Variants in TESC observed in about 807,000 individuals in gnomAD.
The protein encoded by TESC is calcineurin B homologous protein 3.
TESC carries 19 observed loss-of-function variants against 31.0 expected under a neutral mutation model. The ratio of observed to expected loss-of-function variants is 0.61; its 90% CI spans 0.43 to 0.90. The LOEUF (loss-of-function observed/expected upper bound fraction) is 0.90. Among genes scored for constraint, TESC ranks in the 40% least tolerant of loss-of-function variants. The probability of loss-of-function intolerance (pLI) is 0.00; values close to 1 mark genes in which losing one functional copy is unlikely to be tolerated. For synonymous variants in TESC, 109 were observed against 114.8 expected (o/e 0.95, Z 0.32); for missense variants, 248 against 303.8 (o/e 0.82, Z 1.36).
intron 3 of TESC, among the ~76,000 whole-genome samples, chr12:117,052,227 A>G (rs985705438): frequency 6.6e-6 from 1 of 152,148 alleles, no homozygotes; most frequent in African/African-American, 2.4e-5. Context: ...TCTGTAAGGA[A>G]TGGGGCGCCC....
At position 117,099,338 on chromosome 12, in the gene TESC, T is replaced by G; in HGVS notation, c.-56A>C. On this transcript the variant is annotated 5_prime_UTR_variant, in exon 1 of 8. Coordinates refer to ENST00000335209, the MANE Select transcript of TESC (RefSeq NM_017899.4). ...GTCCCTCTCAGGCCCCGCACTGGCT[T>G]CGGCTGCGCAGCGGCGGGACTGGCC... The G allele has an allele frequency of 7.3e-7, 1 of 1,360,560 alleles. No homozygotes were observed. 84.3% of individuals were successfully genotyped at this position (1,360,560 alleles called of 1,614,324 possible). A position where few individuals can be genotyped will look rare whatever the true frequency, so the allele number is the denominator to read the frequency against.
At chr12:117,077,734 G>A (rs1057023886) in intron 1 of TESC, among the ~76,000 whole-genome samples, 1 of 152,180 alleles carries the variant, frequency 6.6e-6, no homozygotes, top group Non-Finnish European at 1.5e-5. Context: ...GCTCTTAAGG[G>A]AGGCATCATA....
intron 1 of TESC, among the ~76,000 whole-genome samples, chr12:117,086,508 A>G (rs1434580303): frequency 6.6e-6 from 1 of 152,166 alleles, no homozygotes; most frequent in Non-Finnish European, 1.5e-5. Flanking sequence ...CACAGCTCAC[A>G]GCAGCCTCAA....
chr12:117,046,473 G>T, intron 6 of TESC, 86 bp downstream of exon 6: 2 of 1,309,150 alleles, frequency 1.5e-6, no homozygotes, highest in East Asian at 2.5e-5. Context: ...AATACACCTG[G>T]CCCCTGCCCC....
At chr12:117,069,098 C>T (rs1275572925) in intron 2 of TESC, among the ~76,000 whole-genome samples, 1 of 147,722 alleles carries the variant, frequency 6.8e-6, no homozygotes, top group Admixed American at 6.8e-5. Flanking sequence ...ATAGAAATTC[C>T]TTTTTTTTTT....
At chr12:117,075,985 A>AT (rs201923877) in intron 1 of TESC, among the ~76,000 whole-genome samples, 15,962 of 100,474 alleles carry the variant, frequency 0.16, 1,975 homozygotes, top group Middle Eastern at 0.19. Context: ...ATATATATAT[A>AT]TTTTTTTTTT....
Position 117,046,675 on chromosome 12 carries a change from T to C in TESC, c.412-9A>G. 6.4e-7 allele frequency: 1 copy of C among 1,552,022 alleles called. No homozygotes were observed. Among genetic ancestry groups the C allele is most frequent in the Admixed American group, 2.0e-5 (1 of 51,052 alleles). On this transcript the variant is annotated splice_polypyrimidine_tract_variant and intron_variant, in intron 5 of 7. Coordinates refer to ENST00000335209, the MANE Select transcript of TESC (RefSeq NM_017899.4). ...AGCAGCTCCTCGACCACCTGCCAGG[T>C]GGGGCGGAAACAAACGGTGACCTTG... is the stretch of plus-strand genomic sequence containing the variant.
intron 2 of TESC, 54 bp from the exon 3 acceptor site, chr12:117,056,940 G>T: frequency 6.4e-7 from 1 of 1,574,498 alleles, no homozygotes. Flanking sequence ...GATAGCAGAC[G>T]TCAGCTGGCA....
chr12:117,042,069 G>A, intron 6 of TESC, 75 bp from the exon 7 acceptor site: 4 of 1,453,944 alleles, frequency 2.8e-6, no homozygotes, highest in Non-Finnish European at 3.8e-6. Flanking sequence ...ACGGTCCACT[G>A]GCCTCCCCTC....
chr12:117,099,189 G>A (rs1295641351), intron 1 of TESC, 36 bp downstream of exon 1: 5 of 1,474,030 alleles, frequency 3.4e-6, no homozygotes, highest in Non-Finnish European at 4.5e-6. Context: ...CGGAGGTCCC[G>A]CCCCGGTCCC....
intron 6 of TESC, among the ~76,000 whole-genome samples, chr12:117,042,719 C>T (rs1387933579): frequency 6.6e-6 from 1 of 152,190 alleles, no homozygotes; most frequent in Non-Finnish European, 1.5e-5. Flanking sequence ...AGGATCCCAC[C>T]GACAAGCCTC....
At position 117,046,782 on chromosome 12, in the gene TESC, G is replaced by C. The variant is rs867356353; in HGVS notation, c.406C>G (p.Arg136Gly). Reference protein sequence around the residue: ...SDGRITLEEYRNVVEELLSGN... With the variant: ...SDGRITLEEYGNVVEELLSGN... The stretch of plus-strand genomic sequence containing the variant: ...GCCAGAGGAGCATACTTTACATTTC[G>C]ATATTCTTCCAGAGTGATGCGGCCG... Residue 136 changes from arginine (R) to glycine (G), a missense_variant, in exon 5 of 8, where the codon CGA becomes GGA. By Grantham distance (125) the Arg-to-Gly change is moderately radical (BLOSUM62 -2). Coordinates refer to ENST00000335209, the MANE Select transcript of TESC (RefSeq NM_017899.4). 1.9e-6 allele frequency: 3 copies of C among 1,564,430 alleles called. No individual in the cohort carries two copies. In the South Asian group the frequency reaches 3.5e-5, roughly 18 times the overall value.
intron 7 of TESC, among the ~76,000 whole-genome samples, 170 bp from the exon 8 acceptor site, chr12:117,039,380 C>T (rs200101248): frequency 1.3e-5 from 2 of 152,184 alleles, no homozygotes; most frequent in South Asian, 2.1e-4. Flanking sequence ...TAAGCGAGGA[C>T]GAAAAACTTC....
intron 1 of TESC, among the ~76,000 whole-genome samples, chr12:117,089,074 A>T (rs1382816157): frequency 6.6e-6 from 1 of 152,112 alleles, no homozygotes; most frequent in Non-Finnish European, 1.5e-5. Flanking sequence ...GTCAGAAAAA[A>T]CGTTCCCCAC....
At chr12:117,063,211 C>A (rs1006256123) in intron 2 of TESC, among the ~76,000 whole-genome samples, 1 of 152,166 alleles carries the variant, frequency 6.6e-6, no homozygotes, top group African/African-American at 2.4e-5. Context: ...CTAGAGTTGG[C>A]GCGGGACTCC....
At chr12:117,071,409 G>A (rs561455239) in intron 2 of TESC, among the ~76,000 whole-genome samples, 1 of 151,986 alleles carries the variant, frequency 6.6e-6, no homozygotes, top group South Asian at 2.1e-4. Flanking sequence ...GTGAATGTTG[G>A]GATGGGGCAC....
chr12:117,071,112 A>G (rs989635397), intron 2 of TESC, among the ~76,000 whole-genome samples: 2 of 152,206 alleles, frequency 1.3e-5, no homozygotes, highest in Admixed American at 6.5e-5. Flanking sequence ...ACATCAACCT[A>G]ACAAGGAAGT....
At chr12:117,058,558 A>C (rs1221920831) in intron 2 of TESC, among the ~76,000 whole-genome samples, 10 of 141,170 alleles carry the variant, frequency 7.1e-5, no homozygotes, top group Non-Finnish European at 1.5e-4. Flanking sequence ...CATTTCAGTA[A>C]AGCTGTTAAA....
In TESC at chr12:117,042,102, T is replaced by A. The variant is rs146632534; in HGVS notation, c.520-108A>T. ...CTCCCCACCAATACCCAAATGTAAG[T>A]TGTTGAGGCTGTTTGGGAGGAATCA... On this transcript the variant is annotated intron_variant, in intron 6 of 7. Transcript: ENST00000335209. 1.5e-4 allele frequency: 169 copies of A among 1,119,290 alleles called. 1 individual carries two copies. In the African/African-American group the frequency reaches 2.5e-3, roughly 16 times the overall value. The allele number at this position is 1,119,290 out of a possible 1,614,324, so 69.3% of individuals were successfully genotyped here.
Sources: gnomAD v4.1 joint callset for allele counts (sites outside exome capture counted in the v4.1 genomes callset) on GRCh38, gnomAD v4.1.1 for gene constraint, MANE v1.5 for transcripts, NCBI Gene and HGNC (gene_info 2026-07-23, HGNC 2026-07-21) for gene names.